PDE7B: variants seen among roughly 807,000 people sequenced by gnomAD.
PDE7B encodes phosphodiesterase 7B.
A neutral mutation model predicts 56.2 loss-of-function variants in PDE7B; 29 were observed. The observed-to-expected ratio is 0.52, with a 90% confidence interval of 0.38 to 0.70. The LOEUF is 0.70. Among genes scored for constraint, PDE7B ranks in the 30% least tolerant of loss-of-function variants. The pLI, the probability that PDE7B is intolerant of heterozygous loss-of-function variation, is 0.00. For missense variants in PDE7B, 490 were observed against 565.0 expected, an observed-to-expected ratio of 0.87 and a Z score of 1.35; for synonymous variants, 197 against 196.9, an observed-to-expected ratio of 1.00 and a Z score of 0.00.
chr6:135,906,818 T>TTTTTTTTTTTTTTTTTTTTG (rs1776118877), intron 1 of PDE7B, among the ~76,000 whole-genome samples: 1 of 144,212 alleles, frequency 6.9e-6, no homozygotes, highest in African/African-American at 2.6e-5. Context: ...TTGTTTTTTT[T>TTTTTTTTTTTTTTTTTTTTG]TTTTTTTTTT....
At chr6:136,155,894 T>C (rs1290600803) in intron 8 of PDE7B, 136 bp downstream of exon 8, 1 of 957,038 alleles carries the variant, frequency 1.0e-6, no homozygotes, top group Non-Finnish European at 1.7e-6. Context: ...ACACAATCTC[T>C]GCCCTCAAAA....
intron 1 of PDE7B, among the ~76,000 whole-genome samples, chr6:135,917,907 C>G (rs958699077): frequency 2.0e-5 from 3 of 152,162 alleles, no homozygotes; most frequent in African/African-American, 7.2e-5. Flanking sequence ...TGAGCCCGCT[C>G]TCCTTTGGTT....
At chr6:136,082,181 A>C (rs1392163520) in intron 2 of PDE7B, among the ~76,000 whole-genome samples, 1 of 152,222 alleles carries the variant, frequency 6.6e-6, no homozygotes. Context: ...GGAATTACAC[A>C]GGCCACAGAG....
intron 1 of PDE7B, among the ~76,000 whole-genome samples, chr6:135,928,461 ATATTTATTTATATATATATATT>A (rs1774230877): frequency 1.1e-5 from 1 of 91,044 alleles, no homozygotes; most frequent in African/African-American, 3.8e-5. Flanking sequence ...ATTTATATAT[ATATTTATTTATATATATATATT>A]TATTTATATA....
At chr6:135,909,358 T>C (rs1034164700) in intron 1 of PDE7B, among the ~76,000 whole-genome samples, 3 of 152,116 alleles carry the variant, frequency 2.0e-5, no homozygotes, top group African/African-American at 7.2e-5. Context: ...ATTCTTCCTA[T>C]AATCCCAGCA....
chr6:136,013,434 G>A (rs1775925973), intron 2 of PDE7B, among the ~76,000 whole-genome samples: 1 of 152,210 alleles, frequency 6.6e-6, no homozygotes. Context: ...CTGATCCAAA[G>A]TGTCACACTA....
intron 2 of PDE7B, among the ~76,000 whole-genome samples, chr6:136,075,763 A>G (rs1777118157): frequency 6.6e-6 from 1 of 152,176 alleles, no homozygotes; most frequent in South Asian, 2.1e-4. Context: ...AAGAAGAACG[A>G]CCTGGGTTAC....
intron 1 of PDE7B, among the ~76,000 whole-genome samples, chr6:135,870,531 T>TGATTATAGATTTTTGGCCTACA (rs1775358325): frequency 6.6e-6 from 1 of 151,216 alleles, no homozygotes; most frequent in Non-Finnish European, 1.5e-5. Flanking sequence ...AAATGTACAT[T>TGATTATAGATTTTTGGCCTACA]TCACAAGTAC....
At chr6:135,973,342 T>C (rs1326719518) in intron 2 of PDE7B, among the ~76,000 whole-genome samples, 2 of 152,106 alleles carry the variant, frequency 1.3e-5, no homozygotes, top group African/African-American at 4.8e-5. Context: ...TTCCATTGTA[T>C]GCGTCTACCA....
intron 2 of PDE7B, among the ~76,000 whole-genome samples, chr6:135,957,438 C>T (rs1253356591): frequency 6.6e-6 from 1 of 152,150 alleles, no homozygotes; most frequent in Admixed American, 6.5e-5. Context: ...GTGTTCTTAA[C>T]ACTCATTTCA....
At chr6:136,168,308 G>A (rs188358700) in intron 8 of PDE7B, among the ~76,000 whole-genome samples, 32 of 152,230 alleles carry the variant, frequency 2.1e-4, no homozygotes, top group Admixed American at 1.4e-3. Context: ...AGCATTGAAC[G>A]TCAAGCTAAG....
intron 1 of PDE7B, among the ~76,000 whole-genome samples, chr6:135,902,331 G>T (rs1282871813): frequency 6.8e-6 from 1 of 147,698 alleles, no homozygotes; most frequent in Non-Finnish European, 1.5e-5. Flanking sequence ...TTATGTGAAG[G>T]TTTTTTTTTT....
chr6:135,906,831 T>TGTTTTTTTTTTTTTG, intron 1 of PDE7B, among the ~76,000 whole-genome samples: 2 of 147,460 alleles, frequency 1.4e-5, no homozygotes, highest in African/African-American at 5.1e-5. Context: ...TTTTTTTTTT[T>TGTTTTTTTTTTTTTG]TTTTTAATCC....
chr6:136,044,600 C>T (rs866521250), intron 2 of PDE7B: 1 of 152,098 alleles, frequency 6.6e-6, no homozygotes, highest in African/African-American at 2.4e-5. Context: ...AAGTGCAAAA[C>T]TAATATGAGA....
chr6:135,926,317 G>A (rs1774188642), intron 1 of PDE7B, among the ~76,000 whole-genome samples: 1 of 152,106 alleles, frequency 6.6e-6, no homozygotes, highest in African/African-American at 2.4e-5. Context: ...TCAATCTCCT[G>A]ACCTCGTGAT....
intron 2 of PDE7B, among the ~76,000 whole-genome samples, chr6:136,103,744 T>C (rs1020663350): frequency 1.3e-5 from 2 of 152,212 alleles, no homozygotes. Context: ...AACCTGTTTA[T>C]ACCAAGAACG....
chr6:136,056,301 T>C (rs1259564299), intron 2 of PDE7B, among the ~76,000 whole-genome samples: 3 of 152,194 alleles, frequency 2.0e-5, no homozygotes, highest in African/African-American at 4.8e-5. Context: ...AGCCAAGATA[T>C]GTGCATACAC....
chr6:136,108,658 G>A, intron 2 of PDE7B, 73 bp from the exon 3 acceptor site: 2 of 985,446 alleles, frequency 2.0e-6, no homozygotes, highest in Non-Finnish European at 3.3e-6. Flanking sequence ...TGGTTTCATT[G>A]AGGATTTACA....
intron 2 of PDE7B, among the ~76,000 whole-genome samples, chr6:135,971,214 A>G (rs1210965986): frequency 6.6e-6 from 1 of 152,190 alleles, no homozygotes; most frequent in Non-Finnish European, 1.5e-5. Context: ...ACACATATAG[A>G]CATCTTCACG....
Sources: gnomAD v4.1 joint callset for allele counts (sites outside exome capture counted in the v4.1 genomes callset) on GRCh38, gnomAD v4.1.1 for gene constraint, MANE v1.5 for transcripts, NCBI Gene and HGNC (gene_info 2026-07-23, HGNC 2026-07-21) for gene names.